Variants in PPIG observed in about 807,000 individuals in gnomAD.
PPIG encodes peptidyl-prolyl cis-trans isomerase G.
In PPIG, 26 loss-of-function variants were observed where a neutral mutation model predicts 87.9. The ratio of observed to expected loss-of-function variants is 0.30; its 90% confidence interval spans 0.22 to 0.41. The LOEUF is 0.41. Among genes scored for constraint, PPIG ranks in the 10% least tolerant of loss-of-function variants. The probability of loss-of-function intolerance (pLI) is 1.00; values close to 1 mark genes in which losing one functional copy is unlikely to be tolerated. For synonymous variants in PPIG, 308 were observed against 276.5 expected (o/e 1.11, Z -1.13); for missense variants, 722 against 879.4 (o/e 0.82, Z 2.26).
chr2:169,587,817 A>G (rs182986687), intron 1 of PPIG, among the ~76,000 whole-genome samples: 92 of 152,302 alleles, frequency 6.0e-4, no homozygotes, highest in Admixed American at 7.2e-4. Context: ...TGATTATATA[A>G]CACTTATAAA....
At chr2:169,615,625 T>C (rs1376239909) in intron 9 of PPIG, among the ~76,000 whole-genome samples, 1 of 152,218 alleles carries the variant, frequency 6.6e-6, no homozygotes, top group African/African-American at 2.4e-5. Context: ...GGTTCATTCA[T>C]GTTGCTCCAG....
At chr2:169,628,972 A>G (rs1677185386) in intron 9 of PPIG, among the ~76,000 whole-genome samples, 1 of 142,466 alleles carries the variant, frequency 7.0e-6, no homozygotes, top group African/African-American at 2.6e-5. Context: ...AAAAAAAGGC[A>G]AGGATAAATT....
At chr2:169,585,863 T>A (rs967777940) in intron 1 of PPIG, among the ~76,000 whole-genome samples, 15 of 152,088 alleles carry the variant, frequency 9.9e-5, no homozygotes, top group African/African-American at 3.4e-4. Flanking sequence ...TGTGTGTCGG[T>A]CACACACACG....
rs925270102 is a variant in PPIG at position 169,587,147 on chromosome 2, G to C, written c.-70+2657G>C. On this transcript the variant is annotated intron_variant, in intron 1 of 13. Coordinates refer to ENST00000260970, the MANE Select transcript of PPIG (RefSeq NM_004792.3). ...GGGGTTTCACCATGTTGGCTACGCT[G>C]GTCTCAAATTCCTGACCTCAAGTAA... Among the ~76,000 whole-genome samples the C allele has an allele frequency of 7.9e-5, 12 of 152,092 alleles. No individual in the cohort carries two copies. The South Asian group carries it at 1.2e-3, about 16-fold the overall frequency.
Position 169,636,599 on chromosome 2 carries a change from G to A in PPIG, c.1341G>A (p.Lys447=), listed in dbSNP as rs1315719218. ...DIRRNSEKDD[K]YKNKVKKRAK... ...GAAGAAATTCAGAAAAAGATGACAA[G>A]TATAAAAACAAAGTGAAGAAAAGGG... Residue 447 remains lysine, a synonymous_variant, in exon 14 of 14, where the codon AAG becomes AAA. Coordinates refer to ENST00000260970, the MANE Select transcript of PPIG (RefSeq NM_004792.3). 1.3e-6 allele frequency: 2 copies of A among 1,595,830 alleles called. No individual in the cohort carries two copies. The highest frequency in any genetic ancestry group is 1.7e-6 in the Non-Finnish European group (2 of 1,175,410).
rs1040723975 is a variant in PPIG at position 169,639,101 on chromosome 2, G to A, written c.*1578G>A. ...TGTGGTAGCTGTTGCAGAATGAATA[G>A]TGTAATGACCATAAGATTGCTTGGA... On this transcript the variant is annotated 3_prime_UTR_variant, in exon 14 of 14. Coordinates refer to ENST00000260970, the MANE Select transcript of PPIG (RefSeq NM_004792.3). 1 of 152,000 alleles carries A rather than the reference G, an allele frequency of 6.6e-6. No homozygotes were observed. Among genetic ancestry groups the A allele is most frequent in the African/African-American group, 2.4e-5 (1 of 41,426 alleles). 9.4% of individuals were successfully genotyped at this position (152,000 alleles called of 1,614,324 possible).
intron 1 of PPIG, among the ~76,000 whole-genome samples, chr2:169,588,756 C>G (rs1559172436): frequency 1.3e-5 from 2 of 151,882 alleles, no homozygotes; most frequent in Admixed American, 1.3e-4. Context: ...GAGGTCGGAG[C>G]TTGAGACCAG....
chr2:169,627,727 A>ATTTTTTTTTTTTTTTTTTTTT (rs1685930108), intron 9 of PPIG, among the ~76,000 whole-genome samples: 1 of 70,968 alleles, frequency 1.4e-5, no homozygotes, highest in African/African-American at 9.0e-5. Context: ...TTTTTTTTTA[A>ATTTTTTTTTTTTTTTTTTTTT]TTTCAAACAC....
chr2:169,628,939 CAAAAAAAAAAAAAAAA>C (rs71006010), intron 9 of PPIG, among the ~76,000 whole-genome samples: 5 of 92,350 alleles, frequency 5.4e-5, no homozygotes, highest in Admixed American at 2.7e-4. Flanking sequence ...ACCCTGTCTC[CAAAAAAAAAAAAAAAA>C]AAAAAAAAAA....
chr2:169,595,128 A>G (rs995563757), intron 1 of PPIG, among the ~76,000 whole-genome samples: 2 of 152,054 alleles, frequency 1.3e-5, no homozygotes, highest in Non-Finnish European at 2.9e-5. Flanking sequence ...GGAGTTTGCC[A>G]TGTTGGCCAG....
At chr2:169,597,962 A>G (rs1390264005) in intron 1 of PPIG, among the ~76,000 whole-genome samples, 3 of 150,960 alleles carry the variant, frequency 2.0e-5, no homozygotes, top group African/African-American at 7.3e-5. Flanking sequence ...CAGCCTTCCT[A>G]AGTGCTGGGA....
rs571501017 is a variant in PPIG at position 169,633,018 on chromosome 2, C to T, written c.930-142C>T. 2.9e-4 allele frequency: 185 copies of T among 646,012 alleles called. 2 individuals are homozygous for T. In the African/African-American group the frequency reaches 2.9e-3, roughly 10 times the overall value. 40.0% of individuals were successfully genotyped at this position (646,012 alleles called of 1,614,324 possible). On this transcript the variant is annotated intron_variant, in intron 11 of 13. Transcript: ENST00000260970. Reference sequence around the variant, plus strand: ...GTCTCCATCTCCTGACCTCATGATCCGCCCACCTCGGCCTCCCAAAGTGCT... The same window carrying T: ...GTCTCCATCTCCTGACCTCATGATCTGCCCACCTCGGCCTCCCAAAGTGCT...
intron 6 of PPIG, among the ~76,000 whole-genome samples, chr2:169,607,506 T>TA (rs1320996124): frequency 1.3e-5 from 2 of 152,192 alleles, no homozygotes; most frequent in African/African-American, 4.8e-5. Flanking sequence ...TGAACATTTT[T>TA]AAAAAATCTT....
rs548391724 is a variant in PPIG, at chr2:169,588,928, C to A, written c.-70+4438C>A. Among the ~76,000 whole-genome samples the A allele has an allele frequency of 7.1e-3, 890 of 124,728 alleles. 7 individuals are homozygous for A. The highest frequency in any genetic ancestry group is 0.032 in the Middle Eastern group (4 of 124). The allele number at this position is 124,728 out of a possible 152,430, so 81.8% of individuals were successfully genotyped here. A position where few individuals can be genotyped will look rare whatever the true frequency, so the allele number is the denominator to read the frequency against. On this transcript the variant is annotated intron_variant, in intron 1 of 13. Transcript: ENST00000260970. ...GAGCCAAGATCGCACCATTGCACTT[C>A]AGCCTGGGCACAAGAACGAAACTCC...
At chr2:169,589,122 T>C (rs1684790237) in intron 1 of PPIG, among the ~76,000 whole-genome samples, 1 of 152,064 alleles carries the variant, frequency 6.6e-6, no homozygotes, top group African/African-American at 2.4e-5. Flanking sequence ...GTGCGTAATA[T>C]CCTTATTTAA....
intron 1 of PPIG, among the ~76,000 whole-genome samples, chr2:169,587,594 G>A (rs1310684695): frequency 1.3e-5 from 2 of 152,000 alleles, no homozygotes; most frequent in African/African-American, 2.4e-5. Flanking sequence ...CTTAAGTGTC[G>A]GTGATTTTCC....
intron 7 of PPIG, among the ~76,000 whole-genome samples, chr2:169,611,430 G>A (rs956950517): frequency 7.8e-6 from 1 of 128,738 alleles, no homozygotes; most frequent in African/African-American, 2.6e-5. Flanking sequence ...TTGCTTGAAA[G>A]TACTGTGCAT....
intron 9 of PPIG, among the ~76,000 whole-genome samples, chr2:169,628,574 C>CT (rs1685955397): frequency 6.6e-6 from 1 of 152,106 alleles, no homozygotes; most frequent in African/African-American, 2.4e-5. Context: ...ACTCAGGAGA[C>CT]TGAGAGAAAG....
chr2:169,622,422 T>G lies in PPIG; in HGVS notation c.547+7698T>G, dbSNP rs550262292. Among the ~76,000 whole-genome samples, 14 of 152,358 alleles carry G rather than the reference T, an allele frequency of 9.2e-5. No homozygotes were observed. In the East Asian group the frequency reaches 2.7e-3, roughly 29 times the overall value. On this transcript the variant is annotated intron_variant, in intron 9 of 13. Coordinates refer to ENST00000260970, the MANE Select transcript of PPIG (RefSeq NM_004792.3). ...TAGCTCTTTATATATTACTTACATC[T>G]TTATAATGCATTGTCATCTGAAGAA...
Sources: gnomAD v4.1 joint callset for allele counts (sites outside exome capture counted in the v4.1 genomes callset) on GRCh38, gnomAD v4.1.1 for gene constraint, MANE v1.5 for transcripts, NCBI Gene and HGNC (gene_info 2026-07-23, HGNC 2026-07-21) for gene names.